ATG10: variants seen among roughly 807,000 people sequenced by gnomAD.
The protein encoded by ATG10 is autophagy related 10, also known as ubiquitin-like-conjugating enzyme ATG10.
ATG10 carries 30 observed loss-of-function variants against 32.1 expected under a neutral mutation model. The observed-to-expected ratio is 0.94, with a 90% CI of 0.70 to 1.27. ATG10 has a LOEUF of 1.27. ATG10 is among the 50% of genes most tolerant of loss of function. The pLI, the probability that ATG10 is intolerant of heterozygous loss-of-function variation, is 0.00. For missense variants in ATG10, 233 were observed against 262.3 expected (o/e 0.89, Z 0.77); for synonymous variants, 87 against 91.5 (o/e 0.95, Z 0.28).
chr5:82,010,303 T>C (rs1207876259), intron 2 of ATG10, among the ~76,000 whole-genome samples: 2 of 152,222 alleles, frequency 1.3e-5, no homozygotes, highest in Non-Finnish European at 2.9e-5. Flanking sequence ...ATGTGGGGAA[T>C]TTCGTTTTGG....
chr5:82,079,610 G>A (rs1001298850), intron 3 of ATG10, among the ~76,000 whole-genome samples: 1 of 151,994 alleles, frequency 6.6e-6, no homozygotes, highest in East Asian at 1.9e-4. Flanking sequence ...GTGAGAACAT[G>A]CGGTGTTTGT....
intron 3 of ATG10, among the ~76,000 whole-genome samples, chr5:82,117,847 T>C (rs1765870765): frequency 6.6e-6 from 1 of 152,088 alleles, no homozygotes; most frequent in South Asian, 2.1e-4. Flanking sequence ...GTGATAACCA[T>C]GAAAATATGG....
chr5:82,237,681 C>T lies in ATG10; in HGVS notation c.454-14881C>T, dbSNP rs138584697. On this transcript the variant is annotated intron_variant, in intron 5 of 7. Coordinates refer to ENST00000282185, the MANE Select transcript of ATG10 (RefSeq NM_031482.5). Reference sequence around the variant, plus strand: ...AAGTCTTTGCTGCCGTCTCTCTCCCCGAGTCAGAAGTGACCTCTCCTTTCT... The same window carrying T: ...AAGTCTTTGCTGCCGTCTCTCTCCCTGAGTCAGAAGTGACCTCTCCTTTCT... Among the ~76,000 whole-genome samples, 613 of 151,924 alleles carry T rather than the reference C, an allele frequency of 4.0e-3. 4 individuals are homozygous for T. Among genetic ancestry groups the T allele is most frequent in the African/African-American group, 0.014 (572 of 41,462 alleles).
At chr5:82,026,772 T>A (rs1370968817) in intron 2 of ATG10, among the ~76,000 whole-genome samples, 2 of 152,032 alleles carry the variant, frequency 1.3e-5, no homozygotes, top group Non-Finnish European at 2.9e-5. Flanking sequence ...GAAAATAAAT[T>A]TACTGGTGCT....
intron 2 of ATG10, among the ~76,000 whole-genome samples, chr5:82,035,937 T>G (rs763673769): frequency 4.6e-5 from 7 of 152,020 alleles, no homozygotes; most frequent in Non-Finnish European, 8.8e-5. Context: ...AATCTTCCAG[T>G]CTTTTGCTCA....
intron 2 of ATG10, among the ~76,000 whole-genome samples, chr5:82,027,958 G>A (rs914189140): frequency 1.3e-5 from 2 of 152,148 alleles, no homozygotes; most frequent in Non-Finnish European, 2.9e-5. Context: ...GTTCTGCAAA[G>A]CAACAAGAAA....
chr5:82,177,427 CA>C (rs1744074323), intron 4 of ATG10, among the ~76,000 whole-genome samples: 1 of 152,122 alleles, frequency 6.6e-6, no homozygotes, highest in African/African-American at 2.4e-5. Context: ...CCTTGATGAC[CA>C]AATACTTCTT....
intron 3 of ATG10, among the ~76,000 whole-genome samples, chr5:82,095,262 A>G (rs1314905249): frequency 1.3e-5 from 2 of 152,146 alleles, no homozygotes; most frequent in Non-Finnish European, 2.9e-5. Context: ...TTGCCTTTGT[A>G]GGTAGGGTGA....
chr5:82,021,191 A>C (rs1198253875), intron 2 of ATG10, among the ~76,000 whole-genome samples: 2 of 152,204 alleles, frequency 1.3e-5, no homozygotes, highest in Non-Finnish European at 2.9e-5. Context: ...ATCAGAAAAA[A>C]GATATAGATA....
At chr5:81,999,119 C>T (rs1395329716) in intron 2 of ATG10, among the ~76,000 whole-genome samples, 1 of 149,156 alleles carries the variant, frequency 6.7e-6, no homozygotes, top group Admixed American at 6.7e-5. Flanking sequence ...TCACCACACA[C>T]TCAGACATAA....
At chr5:82,207,164 G>A (rs1353650130) in intron 5 of ATG10, among the ~76,000 whole-genome samples, 1 of 151,998 alleles carries the variant, frequency 6.6e-6, no homozygotes, top group Non-Finnish European at 1.5e-5. Flanking sequence ...TTTCTATTGG[G>A]TATATATCAA....
chr5:82,240,154 C>T (rs1581840278), intron 5 of ATG10, among the ~76,000 whole-genome samples: 1 of 152,102 alleles, frequency 6.6e-6, no homozygotes, highest in African/African-American at 2.4e-5. Flanking sequence ...TATGATCCAG[C>T]AATTCTATTG....
intron 5 of ATG10, among the ~76,000 whole-genome samples, chr5:82,226,955 T>C (rs1291302921): frequency 6.6e-6 from 1 of 152,244 alleles, no homozygotes; most frequent in East Asian, 1.9e-4. Flanking sequence ...AAATTTTGTT[T>C]CTAAAGCATT....
intron 4 of ATG10, among the ~76,000 whole-genome samples, chr5:82,167,981 A>T (rs1334566812): frequency 6.6e-6 from 1 of 152,188 alleles, no homozygotes; most frequent in Non-Finnish European, 1.5e-5. Context: ...ACGTCTGTTG[A>T]GTAATAATAA....
intron 1 of ATG10, among the ~76,000 whole-genome samples, chr5:81,973,698 T>TC (rs1486220528): frequency 6.6e-6 from 1 of 152,204 alleles, no homozygotes; most frequent in Non-Finnish European, 1.5e-5. Context: ...ATCTTAGGAC[T>TC]CCAAGTAGAA....
In ATG10 at chr5:82,168,967, A is replaced by G. The variant is rs528147780; in HGVS notation, c.355+4430A>G. 1.1e-3 allele frequency among the ~76,000 whole-genome samples: 174 copies of G among 152,296 alleles called. 2 individuals are homozygous for G. The highest frequency in any genetic ancestry group is 2.2e-3 in the Admixed American group (34 of 15,296). ...AGCTCTGTCCAACAACTTGTAGAGG[A>G]CAGCCACAGGTTGGGTTTCTTGAAG... On this transcript the variant is annotated intron_variant, in intron 4 of 7. Transcript: ENST00000282185.
At chr5:82,055,992 C>T (rs1272215286) in intron 2 of ATG10, among the ~76,000 whole-genome samples, 1 of 152,098 alleles carries the variant, frequency 6.6e-6, no homozygotes, top group African/African-American at 2.4e-5. Flanking sequence ...GAGGCCATAC[C>T]ATTTGGGTTT....
intron 4 of ATG10, among the ~76,000 whole-genome samples, chr5:82,175,087 C>A (rs1353829099): frequency 6.6e-6 from 1 of 152,062 alleles, no homozygotes; most frequent in Non-Finnish European, 1.5e-5. Flanking sequence ...GTTATATTAC[C>A]AATTTTTCCA....
At chr5:82,162,873 A>C (rs371417238) in intron 3 of ATG10, among the ~76,000 whole-genome samples, 2 of 151,996 alleles carry the variant, frequency 1.3e-5, no homozygotes, top group Non-Finnish European at 2.9e-5. Flanking sequence ...CTATGTGTGT[A>C]TATGTATTTG....
Sources: gnomAD v4.1 joint callset for allele counts (sites outside exome capture counted in the v4.1 genomes callset) on GRCh38, gnomAD v4.1.1 for gene constraint, MANE v1.5 for transcripts, NCBI Gene and HGNC (gene_info 2026-07-23, HGNC 2026-07-21) for gene names.